The following WDR7 variants were observed in gnomAD, a reference collection of about 807,000 sequenced individuals.
The protein encoded by WDR7 is WD repeat-containing protein 7.
A neutral mutation model predicts 169.4 loss-of-function variants in WDR7; 46 were observed. That is an observed-to-expected ratio of 0.27 (90% confidence interval 0.21 to 0.35). WDR7 has a LOEUF of 0.35. Ranked by LOEUF, WDR7 falls within the 10% of genes least tolerant of loss-of-function variation. The pLI is 1.00. For synonymous variants in WDR7, 612 were observed against 666.8 expected (o/e 0.92, Z 1.27); for missense variants, 1,534 against 1,859.3 (o/e 0.83, Z 3.22).
intron 25 of WDR7, among the ~76,000 whole-genome samples, chr18:56,946,437 C>T (rs2047104046): frequency 6.6e-6 from 1 of 152,090 alleles, no homozygotes; most frequent in Non-Finnish European, 1.5e-5. Flanking sequence ...CCTAAGGAAC[C>T]TAGAATGTGG....
chr18:56,729,015 G>A (rs2026523706), intron 13 of WDR7, among the ~76,000 whole-genome samples: 1 of 152,174 alleles, frequency 6.6e-6, no homozygotes, highest in Non-Finnish European at 1.5e-5. Context: ...GAAGAGAAGA[G>A]GAAGTATAAA....
intron 3 of WDR7, 107 bp downstream of exon 3, chr18:56,679,545 T>A (rs931886163): frequency 3.1e-6 from 2 of 645,118 alleles, no homozygotes; most frequent in Non-Finnish European, 5.1e-6. Context: ...ATCTCCTAAA[T>A]AAATGCTTTG....
chr18:56,657,288 G>T (rs1336700695), intron 1 of WDR7, among the ~76,000 whole-genome samples: 1 of 151,910 alleles, frequency 6.6e-6, no homozygotes, highest in Admixed American at 6.6e-5. Context: ...CTCCCTAGTA[G>T]CTGGGATTAC....
intron 24 of WDR7, 35 bp downstream of exon 24, chr18:56,938,717 A>C: frequency 6.2e-7 from 1 of 1,609,178 alleles, no homozygotes; most frequent in South Asian, 1.1e-5. Context: ...TCCATCAGCA[A>C]CCTAAATTAA....
chr18:56,858,980 TGAA>T (rs767366817), intron 20 of WDR7, among the ~76,000 whole-genome samples: 1 of 152,140 alleles, frequency 6.6e-6, no homozygotes, highest in Non-Finnish European at 1.5e-5. Context: ...GAGCAAAAGA[TGAA>T]GAAGACGGTG....
At chr18:56,699,527 TTTTG>T (rs1417391596) in intron 12 of WDR7, among the ~76,000 whole-genome samples, 3 of 152,374 alleles carry the variant, frequency 2.0e-5, no homozygotes, top group East Asian at 1.9e-4. Flanking sequence ...TTGTCATCTG[TTTTG>T]TTTATTAGAA....
chr18:56,816,766 C>T (rs1006213076), intron 20 of WDR7, among the ~76,000 whole-genome samples: 6 of 152,136 alleles, frequency 3.9e-5, no homozygotes, highest in Non-Finnish European at 5.9e-5. Context: ...ACATTCAGCT[C>T]AATTTCTTTG....
At chr18:56,998,063 G>A (rs2047923501) in intron 26 of WDR7, among the ~76,000 whole-genome samples, 1 of 152,154 alleles carries the variant, frequency 6.6e-6, no homozygotes, top group East Asian at 1.9e-4. Flanking sequence ...ACAAAGCAAA[G>A]GAGTGAAGAC....
chr18:56,844,871 C>G (rs754024636), intron 20 of WDR7, among the ~76,000 whole-genome samples: 1 of 152,022 alleles, frequency 6.6e-6, no homozygotes, highest in Non-Finnish European at 1.5e-5. Context: ...ACTCATGGTA[C>G]AATACAGTAA....
chr18:56,683,676 A>T (rs1249936309), intron 5 of WDR7, among the ~76,000 whole-genome samples: 4 of 152,302 alleles, frequency 2.6e-5, no homozygotes, highest in African/African-American at 4.8e-5. Flanking sequence ...CATCATATAG[A>T]TGAGGAGAAT....
chr18:57,006,120 T>C (rs764575751), intron 26 of WDR7, among the ~76,000 whole-genome samples: 1 of 152,206 alleles, frequency 6.6e-6, no homozygotes, highest in Non-Finnish European at 1.5e-5. Flanking sequence ...AAAATTAGCA[T>C]GCATAGTATT....
intron 20 of WDR7, among the ~76,000 whole-genome samples, chr18:56,819,616 A>G (rs924079831): frequency 6.6e-6 from 1 of 152,142 alleles, no homozygotes; most frequent in Non-Finnish European, 1.5e-5. Context: ...TCATATTAAA[A>G]CCTATTCAAT....
intron 20 of WDR7, among the ~76,000 whole-genome samples, chr18:56,856,284 A>G (rs1302690848): frequency 6.6e-6 from 1 of 152,244 alleles, no homozygotes; most frequent in African/African-American, 2.4e-5. Context: ...CTGTAATCCC[A>G]GCACTTTGGG....
At position 56,681,384 on chromosome 18, in the gene WDR7, G is replaced by C. The variant is rs754879153; in HGVS notation, c.338G>C (p.Gly113Ala). The C allele has an allele frequency of 6.3e-7, 1 of 1,580,356 alleles. No homozygotes were observed. The highest frequency in any genetic ancestry group is 8.6e-7 in the Non-Finnish European group (1 of 1,168,768). The change falls in exon 4 of 28, where the codon GGC becomes GCC. Residue 113 changes from glycine to alanine, a missense_variant. Physicochemically the swap from Gly to Ala is moderately conservative, Grantham distance 60 (BLOSUM62 0). Coordinates refer to ENST00000254442, the MANE Select transcript of WDR7 (RefSeq NM_015285.3). ...EFTKLACTHT[G>A]IQFYQFSVGN... ...ACAAAATTAGCTTGCACACATACTG[G>C]CATACAGGTTAGTTTCTATTTCTGT...
chr18:56,661,959 CT>C (rs1487005352), intron 1 of WDR7, among the ~76,000 whole-genome samples: 1 of 152,220 alleles, frequency 6.6e-6, no homozygotes, highest in African/African-American at 2.4e-5. Context: ...TGGGTACACT[CT>C]TTTGACAAAT....
intron 26 of WDR7, among the ~76,000 whole-genome samples, chr18:56,992,723 C>T (rs948547334): frequency 1.3e-5 from 2 of 152,168 alleles, no homozygotes; most frequent in East Asian, 1.9e-4. Flanking sequence ...CATTTTCTGG[C>T]GCATTGTCTT....
intron 21 of WDR7, among the ~76,000 whole-genome samples, chr18:56,895,981 CAT>C (rs556024196): frequency 8.4e-4 from 128 of 151,842 alleles, no homozygotes; most frequent in African/African-American, 2.9e-3. Flanking sequence ...TCAATAAACA[CAT>C]GTAGTGCTGA....
chr18:56,944,948 A>AAT (rs2047083533), intron 25 of WDR7, among the ~76,000 whole-genome samples: 1 of 152,212 alleles, frequency 6.6e-6, no homozygotes. Context: ...TTCAGTGACT[A>AAT]ATAAAGTTCT....
intron 26 of WDR7, among the ~76,000 whole-genome samples, chr18:56,982,072 C>T (rs998246303): frequency 1.3e-5 from 2 of 152,106 alleles, no homozygotes; most frequent in Non-Finnish European, 2.9e-5. Flanking sequence ...GTTTTAATAT[C>T]AATTTAATGT....
Sources: allele counts gnomAD v4.1 joint callset (sites outside exome capture counted in the v4.1 genomes callset), GRCh38; gene constraint gnomAD v4.1.1; transcripts MANE v1.5; gene names NCBI Gene and HGNC (gene_info 2026-07-23, HGNC 2026-07-21).